The following PACRG variants were observed in gnomAD, a reference collection of about 807,000 sequenced individuals.
PACRG encodes parkin coregulated.
PACRG carries 29 observed loss-of-function variants against 29.7 expected under a neutral mutation model. The observed-to-expected ratio is 0.98, with a 90% CI of 0.73 to 1.33. The LOEUF is 1.33. Among genes scored for constraint, PACRG ranks in the 40% most tolerant of loss-of-function variants. The pLI, the probability that PACRG is intolerant of heterozygous loss-of-function variation, is 0.00. For synonymous variants in PACRG, 116 were observed against 118.7 expected (o/e 0.98, Z 0.15); for missense variants, 279 against 316.2 (o/e 0.88, Z 0.89).
intron 4 of PACRG, chr6:163,095,397 C>A (rs747884780): frequency 8.6e-5 from 85 of 985,294 alleles, no homozygotes; most frequent in Non-Finnish European, 1.0e-4. Flanking sequence ...CCTGGTAGGG[C>A]GATGTCTAAA....
At chr6:162,885,259 TC>T (rs1358046257) in intron 2 of PACRG, among the ~76,000 whole-genome samples, 1 of 151,366 alleles carries the variant, frequency 6.6e-6, no homozygotes, top group Non-Finnish European at 1.5e-5. Flanking sequence ...CTGGGAGCTT[TC>T]TTTCTCTTTT....
At chr6:162,993,196 G>C (rs1402624461) in intron 2 of PACRG, among the ~76,000 whole-genome samples, 1 of 151,776 alleles carries the variant, frequency 6.6e-6, no homozygotes, top group African/African-American at 2.4e-5. Flanking sequence ...GTGGTGTGGT[G>C]CTGAAAAGAA....
intron 4 of PACRG, among the ~76,000 whole-genome samples, chr6:163,180,680 CA>C (rs914015394): frequency 9.3e-5 from 14 of 149,840 alleles, no homozygotes; most frequent in East Asian, 7.8e-4. Flanking sequence ...TGTATGGTTA[CA>C]AAAAAAAAGC....
At position 163,200,428 on chromosome 6, in the gene PACRG, C is replaced by T. The variant is rs1275602471; in HGVS notation, c.613+111020C>T. ...TCTACTCCATGATCTAGACCATTTG[C>T]GTGACCTCGCGCAAAGGCAACAGTA... On this transcript the variant is annotated intron_variant, in intron 4 of 4. Transcript: ENST00000366888. 4.6e-5 allele frequency among the ~76,000 whole-genome samples: 7 copies of T among 152,060 alleles called. No homozygotes were observed. The East Asian group carries it at 5.8e-4, about 13-fold the overall frequency.
At chr6:163,059,244 C>T (rs933415705) in intron 2 of PACRG, among the ~76,000 whole-genome samples, 14 of 152,146 alleles carry the variant, frequency 9.2e-5, no homozygotes, top group African/African-American at 3.4e-4. Context: ...TGACTTTTGT[C>T]TTTCAATTGC....
chr6:163,085,655 A>G lies in PACRG; in HGVS notation c.464-3604A>G, dbSNP rs113008300. On this transcript the variant is annotated intron_variant, in intron 3 of 4. Transcript: ENST00000366888. ...ACTCCTTACTGGGAAGCTAGTCCCT[A>G]GCGCGCTGCTTCCTCTCCTGGAAAC... is the stretch of plus-strand genomic sequence containing the variant. Among the ~76,000 whole-genome samples, 5 of 152,170 alleles carry G rather than the reference A, an allele frequency of 3.3e-5. No homozygotes were observed. In the East Asian group the frequency reaches 5.8e-4, roughly 18 times the overall value.
upstream of PACRG, chr6:162,727,609 T>C (rs1779343414): frequency 1.3e-6 from 2 of 1,552,058 alleles, no homozygotes; most frequent in Non-Finnish European, 1.8e-6. Flanking sequence ...CGTGGCGCCA[T>C]ACCGGGGCGT....
At chr6:163,173,438 G>T (rs754490390) in intron 4 of PACRG, among the ~76,000 whole-genome samples, 1 of 152,128 alleles carries the variant, frequency 6.6e-6, no homozygotes, top group Non-Finnish European at 1.5e-5. Context: ...GGCCAAAACC[G>T]TAGAGGATTT....
At chr6:162,912,350 G>A (rs950929002) in intron 2 of PACRG, among the ~76,000 whole-genome samples, 1 of 152,090 alleles carries the variant, frequency 6.6e-6, no homozygotes, top group Non-Finnish European at 1.5e-5. Flanking sequence ...TCTAAATCCA[G>A]TAGCAGAATC....
intron 2 of PACRG, among the ~76,000 whole-genome samples, chr6:162,814,985 C>T (rs911869480): frequency 1.3e-5 from 2 of 152,156 alleles, no homozygotes; most frequent in Non-Finnish European, 2.9e-5. Context: ...ATCTCTTAAC[C>T]GGAGAAGGCT....
chr6:162,862,975 G>C (rs1033121871), intron 2 of PACRG, among the ~76,000 whole-genome samples: 5 of 152,212 alleles, frequency 3.3e-5, no homozygotes, highest in African/African-American at 9.6e-5. Flanking sequence ...TGATTAACAG[G>C]AAATTCAGTG....
At chr6:162,861,028 G>A (rs981812520) in intron 2 of PACRG, among the ~76,000 whole-genome samples, 1 of 152,062 alleles carries the variant, frequency 6.6e-6, no homozygotes, top group Non-Finnish European at 1.5e-5. Context: ...AGCTGTCAAG[G>A]CCTATCGGGG....
intron 1 of PACRG, among the ~76,000 whole-genome samples, chr6:162,789,096 GATTA>G (rs1784740593): frequency 6.6e-6 from 1 of 152,086 alleles, no homozygotes; most frequent in African/African-American, 2.4e-5. Context: ...AATATTAAAG[GATTA>G]ATTAAAGTAA....
At chr6:163,016,913 C>T (rs1470223654) in intron 2 of PACRG, among the ~76,000 whole-genome samples, 1 of 151,900 alleles carries the variant, frequency 6.6e-6, no homozygotes. Context: ...TTGGACAGTG[C>T]TTCATAAAAT....
Position 163,136,513 on chromosome 6 carries a change from A to C in PACRG, c.613+47105A>C, listed in dbSNP as rs553687881. 1.1e-4 allele frequency among the ~76,000 whole-genome samples: 16 copies of C among 152,338 alleles called. No individual in the cohort carries two copies. The South Asian group carries it at 2.9e-3, about 28-fold the overall frequency. On this transcript the variant is annotated intron_variant, in intron 4 of 4. Coordinates refer to ENST00000366888, the MANE Select transcript of PACRG (RefSeq NM_001080379.2). ...AATTTTCCCTTCAGAAACAAAGTGCATATCTCCATTAATTTAGAATTTTTT... is the reference window on the plus strand; with the variant it reads ...AATTTTCCCTTCAGAAACAAAGTGCCTATCTCCATTAATTTAGAATTTTTT...
intron 2 of PACRG, among the ~76,000 whole-genome samples, chr6:162,892,293 T>C (rs1203604945): frequency 6.6e-6 from 1 of 152,170 alleles, no homozygotes; most frequent in Non-Finnish European, 1.5e-5. Context: ...TGGATCAGTC[T>C]CTTCAAAAAC....
Position 163,194,222 on chromosome 6 carries a change from C to T in PACRG, c.613+104814C>T, listed in dbSNP as rs563088337. 7.2e-4 allele frequency among the ~76,000 whole-genome samples: 109 copies of T among 152,260 alleles called. No homozygotes were observed. In the South Asian group the frequency reaches 0.01, roughly 14 times the overall value. ...CCCGATTACACATTCCCCTGTAGCT[C>T]ATAGACTCAGTGCTCCTTTCTACAG... On this transcript the variant is annotated intron_variant, in intron 4 of 4. Coordinates refer to ENST00000366888, the MANE Select transcript of PACRG (RefSeq NM_001080379.2).
intron 2 of PACRG, chr6:162,957,692 G>T (rs7769707): frequency 0.52 from 78,830 of 152,574 alleles, 21,497 homozygotes; most frequent in Middle Eastern, 0.69. Context: ...TGTCTCACAT[G>T]CATATAAAAA....
chr6:162,880,579 T>G (rs2292576), intron 2 of PACRG, among the ~76,000 whole-genome samples: 48,581 of 152,042 alleles, frequency 0.32, 7,874 homozygotes, highest in East Asian at 0.42. Flanking sequence ...TAGAAAAATA[T>G]AACGCTTCAT....
Sources: allele counts gnomAD v4.1 joint callset (sites outside exome capture counted in the v4.1 genomes callset), GRCh38; gene constraint gnomAD v4.1.1; transcripts MANE v1.5; gene names NCBI Gene and HGNC (gene_info 2026-07-23, HGNC 2026-07-21).